Variants in COL9A2 observed in about 807,000 individuals in gnomAD.
The protein encoded by COL9A2 is collagen type IX alpha 2 chain.
COL9A2 carries 66 observed loss-of-function variants against 111.6 expected under a neutral mutation model. That is an observed-to-expected ratio of 0.59 (90% CI 0.48 to 0.73). COL9A2 has a LOEUF of 0.73. Among genes scored for constraint, COL9A2 ranks in the 30% least tolerant of loss-of-function variants. The pLI is 0.00. For missense variants in COL9A2, 881 were observed against 954.1 expected (o/e 0.92, Z 1.01); for synonymous variants, 353 against 364.1 (o/e 0.97, Z 0.35).
chr1:40,300,845 C>T lies in COL9A2; in HGVS notation c.*337G>A. 1 of 266,238 alleles carries T rather than the reference C, an allele frequency of 3.8e-6. No individual in the cohort carries two copies. Among genetic ancestry groups the T allele is most frequent in the Non-Finnish European group, 7.4e-6 (1 of 135,730 alleles). The allele number at this position is 266,238 out of a possible 1,614,324, so 16.5% of individuals were successfully genotyped here. A position where few individuals can be genotyped will look rare whatever the true frequency, so the allele number is the denominator to read the frequency against. ...CCGAGGTGCCCATGTCCCACTGACC[C>T]AAGGACAAGATGGCCAGTGGAGAAA... On this transcript the variant is annotated 3_prime_UTR_variant, in exon 32 of 32. Transcript: ENST00000372748. This position sits in a 1 kb window ranked among gnomAD's most constrained non-coding sequence, Gnocchi z 4.4.
Position 40,302,821 on chromosome 1 carries a change from GA to G in COL9A2, c.1604-13del. 7.9e-7 allele frequency: 1 copy of G among 1,266,218 alleles called. No homozygotes were observed. The allele number at this position is 1,266,218 out of a possible 1,614,324, so 78.4% of individuals were successfully genotyped here. The stretch of plus-strand genomic sequence containing the variant: ...CTCTGCCAGTTGCTCTGGAGGGAGG[GA>G]GGGAGGGAGGGAGAGGGAAGTCTAT... On this transcript the variant is annotated splice_polypyrimidine_tract_variant and intron_variant, in intron 29 of 31. Coordinates refer to ENST00000372748, the MANE Select transcript of COL9A2 (RefSeq NM_001852.4). The surrounding 1 kb of genome is among the most constrained non-coding windows in gnomAD (Gnocchi z 4.5).
rs762209791 is a variant in COL9A2 at position 40,308,239 on chromosome 1, G to A, written c.853C>T (p.Pro285Ser). The A allele has an allele frequency of 6.2e-7, 1 of 1,614,068 alleles. No homozygotes were observed. The highest frequency in any genetic ancestry group is 8.5e-7 in the Non-Finnish European group (1 of 1,179,982). The change falls in exon 17 of 32, where the codon CCA (proline) becomes TCA (serine). Residue 285 changes from proline (P) to serine (S), a missense_variant. Physicochemically the swap from Pro to Ser is moderately conservative, Grantham distance 74. Coordinates refer to ENST00000372748, the MANE Select transcript of COL9A2 (RefSeq NM_001852.4). Reference sequence around the variant, plus strand: ...ATCCCCTGGGGTCCACGAATACCTGGGCTGCCCTGCAAAGCGGAGAGAGAT... The same window carrying A: ...ATCCCCTGGGGTCCACGAATACCTGAGCTGCCCTGCAAAGCGGAGAGAGAT... ...RAGEKGDEGSPGIRGPQGITG... is the reference protein window; with the variant it reads ...RAGEKGDEGSSGIRGPQGITG...
At position 40,310,060 on chromosome 1, in the gene COL9A2, G is replaced by T; in HGVS notation, c.792+51C>A. 2 of 1,613,554 alleles carry T rather than the reference G, an allele frequency of 1.2e-6. No homozygotes were observed. Among genetic ancestry groups the T allele is most frequent in the Non-Finnish European group, 1.7e-6 (2 of 1,179,442 alleles). On this transcript the variant is annotated intron_variant, in intron 15 of 31. Coordinates refer to ENST00000372748, the MANE Select transcript of COL9A2 (RefSeq NM_001852.4). This position sits in a 1 kb window ranked among gnomAD's most constrained non-coding sequence, Gnocchi z 4.9. ...GGGGAGCCATGCCCACTCTGTGGCT[G>T]TAGCTGTAGGAGCTCCAGCCTCAGG...
chr1:40,315,127 C>A, intron 2 of COL9A2: 1 of 746,838 alleles, frequency 1.3e-6, no homozygotes, highest in Non-Finnish European at 1.7e-6. Flanking sequence ...TAACCCTCAC[C>A]CTGCAGGGAA....
chr1:40,306,312 GC>G, intron 19 of COL9A2, 125 bp from the exon 20 acceptor site: 1 of 1,001,168 alleles, frequency 1.0e-6, no homozygotes, highest in Non-Finnish European at 1.6e-6. Context: ...AGAAGGTCCA[GC>G]CACGGCATGA....
In COL9A2 at chr1:40,315,641, G is replaced by A. The variant is rs1467853111; in HGVS notation, c.99C>T (p.Gly33=). 1.3e-6 allele frequency: 2 copies of A among 1,554,048 alleles called. No individual in the cohort carries two copies. The highest frequency in any genetic ancestry group is 1.7e-6 in the Non-Finnish European group (2 of 1,147,858). Residue 33 remains glycine, a synonymous_variant, in exon 2 of 32, where the codon GGC becomes GGT. Transcript: ENST00000372748. ...CCGGCGGTCCCGGGGGACCCGGGGG[G>A]CCCCGCTCTCCCGGTGGACCTCTCT... The part of the protein sequence containing the change: ...AQIRGPPGER[G]PPGPPGPPGV...
At chr1:40,306,040 G>C in intron 20 of COL9A2, 103 bp downstream of exon 20, 1 of 1,381,976 alleles carries the variant, frequency 7.2e-7, no homozygotes, top group Non-Finnish European at 1.0e-6. Flanking sequence ...AGGGGCTTAT[G>C]TTCTGGCTGA....
chr1:40,301,756 G>T, intron 31 of COL9A2, 56 bp downstream of exon 31: 7 of 1,542,580 alleles, frequency 4.5e-6, no homozygotes, highest in Non-Finnish European at 6.3e-6. Flanking sequence ...GTGTCCACAC[G>T]TCATTAATTC....
At chr1:40,304,421 T>G (rs760975686) in intron 23 of COL9A2, 30 bp from the exon 24 acceptor site, 32 of 1,612,342 alleles carry the variant, frequency 2.0e-5, no homozygotes, top group Non-Finnish European at 2.6e-5. Context: ...AAGGAATAAA[T>G]GGAATGAGGG....
Position 40,302,824 on chromosome 1 carries a change from G to T in COL9A2, c.1604-15C>A. The T allele has an allele frequency of 6.6e-7, 1 of 1,519,108 alleles. No homozygotes were observed. Among genetic ancestry groups the T allele is most frequent in the South Asian group, 1.2e-5 (1 of 83,104 alleles). 94.1% of individuals were successfully genotyped at this position (1,519,108 alleles called of 1,614,324 possible). ...TGCCAGTTGCTCTGGAGGGAGGGAGGGAGGGAGGGAGAGGGAAGTCTATGA... is the reference window on the plus strand; with the variant it reads ...TGCCAGTTGCTCTGGAGGGAGGGAGTGAGGGAGGGAGAGGGAAGTCTATGA... On this transcript the variant is annotated splice_polypyrimidine_tract_variant and intron_variant, in intron 29 of 31. Coordinates refer to ENST00000372748, the MANE Select transcript of COL9A2 (RefSeq NM_001852.4). The surrounding 1 kb of genome is among the most constrained non-coding windows in gnomAD (Gnocchi z 4.5).
intron 21 of COL9A2, among the ~76,000 whole-genome samples, 199 bp downstream of exon 21, chr1:40,305,516 G>C (rs543485868): frequency 6.6e-6 from 1 of 152,294 alleles, no homozygotes; most frequent in Non-Finnish European, 1.5e-5. Flanking sequence ...ATCTAGGAAA[G>C]TCACACTCCA....
At chr1:40,315,795 T>G in intron 1 of COL9A2, 131 bp from the exon 2 acceptor site, 2 of 624,700 alleles carry the variant, frequency 3.2e-6, no homozygotes. Flanking sequence ...GTATTGAGAA[T>G]CTTCTGTATA....
chr1:40,306,033 G>A (rs1644024621), intron 20 of COL9A2, 110 bp downstream of exon 20: 2 of 1,295,718 alleles, frequency 1.5e-6, no homozygotes, highest in Non-Finnish European at 2.2e-6. Context: ...AGGCCCAAGG[G>A]GCTTATGTTC....
chr1:40,309,903 G>A, intron 16 of COL9A2, 35 bp downstream of exon 16: 1 of 1,610,876 alleles, frequency 6.2e-7, no homozygotes. Flanking sequence ...ACTCCCCAGG[G>A]GTCCTGACTG....
In COL9A2 at chr1:40,303,371, C is replaced by G. The variant is rs1367166273; in HGVS notation, c.1548+159G>C. Among the ~76,000 whole-genome samples the G allele has an allele frequency of 6.6e-6, 1 of 152,118 alleles. No individual in the cohort carries two copies. Among genetic ancestry groups the G allele is most frequent in the African/African-American group, 2.4e-5 (1 of 41,408 alleles). On this transcript the variant is annotated intron_variant, in intron 28 of 31. Transcript: ENST00000372748. This position sits in a 1 kb window ranked among gnomAD's most constrained non-coding sequence, Gnocchi z 4.6. ...ACTTGGGAAGGTCGCGGGGTAATCC[C>G]TCAGGCTGCACTCACAGCCTTCCTG...
At position 40,308,721 on chromosome 1, in the gene COL9A2, T is replaced by C. The variant is rs1264905171; in HGVS notation, c.847-476A>G. The stretch of plus-strand genomic sequence containing the variant: ...GTGATTATGTGAGAATGAGTGCTTA[T>C]TGTTTAGAGATATGTACAAAAGTAT... On this transcript the variant is annotated intron_variant, in intron 16 of 31. Transcript: ENST00000372748. Among the ~76,000 whole-genome samples, 3 of 152,310 alleles carry C rather than the reference T, an allele frequency of 2.0e-5. No individual in the cohort carries two copies. In the East Asian group the frequency reaches 5.8e-4, roughly 29 times the overall value.
At position 40,307,735 on chromosome 1, in the gene COL9A2, T is replaced by G. The variant is rs1557798318; in HGVS notation, c.922A>C (p.Lys308Gln). 1.2e-6 allele frequency: 2 copies of G among 1,614,080 alleles called. No homozygotes were observed. The highest frequency in any genetic ancestry group is 2.2e-5 in the East Asian group (1 of 44,864). ...GATGPPGING[K>Q]DGTPGTPGMK... ...CCAGGCGTGCCTGGGGTCCCATCCT[T>G]GCCGTTGATGCCTGGGGGGCCCTAC... The change falls in exon 18 of 32, where the codon AAG (lysine) becomes CAG (glutamine). Residue 308 changes from lysine to glutamine, a missense_variant. Transcript: ENST00000372748. This position sits in a 1 kb window ranked among gnomAD's most constrained non-coding sequence, Gnocchi z 4.8.
At chr1:40,315,552 C>T (rs544713300) in intron 2 of COL9A2, 38 bp downstream of exon 2, 3 of 1,542,976 alleles carry the variant, frequency 1.9e-6, no homozygotes, top group South Asian at 2.4e-5. Flanking sequence ...CTTTGTCTGC[C>T]GCCTCCCTCC....
Position 40,316,584 on chromosome 1 carries a change from G to A in COL9A2, c.75+539C>T. 2.2e-6 allele frequency: 1 copy of A among 454,736 alleles called. No homozygotes were observed. The highest frequency in any genetic ancestry group is 4.4e-6 in the Non-Finnish European group (1 of 225,984). 28.2% of individuals were successfully genotyped at this position (454,736 alleles called of 1,614,324 possible). ...GACCTCCCCAGGCCGCGAAGTGCCA[G>A]GCTGGCGCCCCGCAGGCGAGCTCGA... On this transcript the variant is annotated intron_variant, in intron 1 of 31. Transcript: ENST00000372748. The surrounding 1 kb of genome is among the most constrained non-coding windows in gnomAD (Gnocchi z 5.5).
Sources: gnomAD v4.1 joint callset for allele counts (sites outside exome capture counted in the v4.1 genomes callset) on GRCh38, gnomAD v4.1.1 for gene constraint, Gnocchi (gnomAD v3.1) non-coding constraint, MANE v1.5 for transcripts, NCBI Gene and HGNC (gene_info 2026-07-23, HGNC 2026-07-21) for gene names.